EPHA3: variants seen among roughly 807,000 people sequenced by gnomAD.
EPHA3 encodes the protein ephrin type-A receptor 3.
A neutral mutation model predicts 107.1 loss-of-function variants in EPHA3; 42 were observed. The observed-to-expected ratio is 0.39, with a 90% confidence interval of 0.31 to 0.51. The LOEUF is 0.51. Among genes scored for constraint, EPHA3 ranks in the 20% least tolerant of loss-of-function variants. The probability of loss-of-function intolerance (pLI) is 0.78; values close to 1 mark genes in which losing one functional copy is unlikely to be tolerated. For missense variants in EPHA3, 1,183 were observed against 1,211.2 expected (o/e 0.98, Z 0.35); for synonymous variants, 461 against 424.8 (o/e 1.09, Z -1.05).
intron 1 of EPHA3, among the ~76,000 whole-genome samples, chr3:89,114,122 C>T (rs1256747638): frequency 1.3e-5 from 2 of 152,336 alleles, no homozygotes; most frequent in Non-Finnish European, 2.9e-5. Flanking sequence ...ACTGTACAAA[C>T]AAACTGTTGT....
chr3:89,328,981 A>G (rs866259077), intron 3 of EPHA3, among the ~76,000 whole-genome samples: 3 of 152,228 alleles, frequency 2.0e-5, no homozygotes, highest in Middle Eastern at 6.8e-3. Flanking sequence ...AAGATGTAAC[A>G]ATCTCAGGGA....
intron 2 of EPHA3, among the ~76,000 whole-genome samples, chr3:89,187,430 A>G (rs1705594432): frequency 6.7e-6 from 1 of 150,042 alleles, no homozygotes; most frequent in African/African-American, 2.4e-5. Context: ...ATAAAGCTAT[A>G]CATGTATTAT....
chr3:89,220,562 G>A (rs574604918), intron 3 of EPHA3, among the ~76,000 whole-genome samples: 2 of 152,286 alleles, frequency 1.3e-5, no homozygotes, highest in South Asian at 2.1e-4. Flanking sequence ...GAATGCGAAT[G>A]GAGTAATAAA....
chr3:89,154,319 G>C lies in EPHA3; in HGVS notation c.153+27046G>C, dbSNP rs9809731. Reference sequence around the variant, plus strand: ...TTCTCATTCTTTGGACGCATAAAAAGGTGAGCACTCAATAGATATCTGTTA... The same window carrying C: ...TTCTCATTCTTTGGACGCATAAAAACGTGAGCACTCAATAGATATCTGTTA... On this transcript the variant is annotated intron_variant, in intron 2 of 16. Transcript: ENST00000336596. Among the ~76,000 whole-genome samples the C allele has an allele frequency of 4.2e-3, 633 of 150,788 alleles. 6 individuals carry two copies. Among genetic ancestry groups the C allele is most frequent in the African/African-American group, 0.015 (613 of 41,210 alleles).
chr3:89,305,446 G>A (rs1194453016), intron 3 of EPHA3, among the ~76,000 whole-genome samples: 1 of 151,946 alleles, frequency 6.6e-6, no homozygotes, highest in African/African-American at 2.4e-5. Flanking sequence ...GCACTTTTTT[G>A]CATCCACCTG....
intron 2 of EPHA3, among the ~76,000 whole-genome samples, chr3:89,188,643 T>C (rs2107135321): frequency 1.3e-5 from 2 of 152,308 alleles, no homozygotes; most frequent in South Asian, 4.1e-4. Flanking sequence ...TCCAGACTCA[T>C]AACAGGTGCT....
At chr3:89,127,351 C>T in intron 2 of EPHA3, 78 bp downstream of exon 2, 1 of 1,103,750 alleles carries the variant, frequency 9.1e-7, no homozygotes, top group East Asian at 2.4e-5. Flanking sequence ...ATTGTATTCT[C>T]TAAAGAGAAC....
chr3:89,144,857 A>G (rs1229506544), intron 2 of EPHA3, among the ~76,000 whole-genome samples: 1 of 151,742 alleles, frequency 6.6e-6, no homozygotes, highest in Non-Finnish European at 1.5e-5. Flanking sequence ...AAAAAAGTCC[A>G]GAATAGGCAT....
chr3:89,139,900 T>A (rs2107013052), intron 2 of EPHA3, among the ~76,000 whole-genome samples: 1 of 151,898 alleles, frequency 6.6e-6, no homozygotes, highest in East Asian at 1.9e-4. Flanking sequence ...CAAGACTACT[T>A]CAACCGAGTG....
At chr3:89,168,121 G>T (rs1018310311) in intron 2 of EPHA3, among the ~76,000 whole-genome samples, 2 of 152,158 alleles carry the variant, frequency 1.3e-5, no homozygotes, top group African/African-American at 4.8e-5. Flanking sequence ...GCAAGTAAAA[G>T]TTTTAATAGC....
Position 89,425,582 on chromosome 3 carries a change from G to T in EPHA3, c.2075-3524G>T, listed in dbSNP as rs1709438662. On this transcript the variant is annotated intron_variant, in intron 11 of 16. Coordinates refer to ENST00000336596, the MANE Select transcript of EPHA3 (RefSeq NM_005233.6). ...TAGGGAGTTAATAGCATTTCCATTT[G>T]AAATTATTAAATGTAAATATTTAAT... is the stretch of plus-strand genomic sequence containing the variant. 2.0e-5 allele frequency among the ~76,000 whole-genome samples: 3 copies of T among 151,142 alleles called. No individual in the cohort carries two copies. In the South Asian group the frequency reaches 6.2e-4, roughly 31 times the overall value.
chr3:89,113,877 A>G (rs1707184892), intron 1 of EPHA3, among the ~76,000 whole-genome samples: 1 of 152,158 alleles, frequency 6.6e-6, no homozygotes, highest in Admixed American at 6.5e-5. Context: ...GAATGTCTGG[A>G]CGAATGCATG....
chr3:89,166,051 G>C (rs1215087176), intron 2 of EPHA3, among the ~76,000 whole-genome samples: 1 of 152,102 alleles, frequency 6.6e-6, no homozygotes, highest in Non-Finnish European at 1.5e-5. Context: ...TGAGTGGCAG[G>C]ATTAAAACCC....
intron 13 of EPHA3, among the ~76,000 whole-genome samples, chr3:89,434,852 T>C (rs549068036): frequency 1.3e-5 from 2 of 152,280 alleles, no homozygotes; most frequent in African/African-American, 4.8e-5. Flanking sequence ...TCACCACCAA[T>C]AAATAGCTGT....
Position 89,466,747 on chromosome 3 carries a change from A to C in EPHA3, c.2691-5717A>C, listed in dbSNP as rs984209042. ...CCACTGTCTGGCACTCCCTAGTGAGATGAACCCGGTACCTCAGATGGAAAT... is the reference window on the plus strand; with the variant it reads ...CCACTGTCTGGCACTCCCTAGTGAGCTGAACCCGGTACCTCAGATGGAAAT... On this transcript the variant is annotated intron_variant, in intron 15 of 16. Coordinates refer to ENST00000336596, the MANE Select transcript of EPHA3 (RefSeq NM_005233.6). 3.2e-4 allele frequency among the ~76,000 whole-genome samples: 44 copies of C among 136,340 alleles called. 8 individuals are homozygous for C. Among genetic ancestry groups the C allele is most frequent in the Non-Finnish European group, 5.5e-4 (34 of 61,770 alleles). The allele number at this position is 136,340 out of a possible 152,430, so 89.4% of individuals were successfully genotyped here.
At position 89,479,529 on chromosome 3, in the gene EPHA3, G is replaced by A. The variant is rs373647562; in HGVS notation, c.*27G>A. On this transcript the variant is annotated 3_prime_UTR_variant, in exon 17 of 17. Coordinates refer to ENST00000336596, the MANE Select transcript of EPHA3 (RefSeq NM_005233.6). The stretch of plus-strand genomic sequence containing the variant: ...GCACGGGACGGAAGTGCTTCTGGAC[G>A]GAAGTGGTGGCTGTGGAAGGCGTAG... The A allele has an allele frequency of 7.0e-6, 11 of 1,566,446 alleles. No homozygotes were observed. In the African/African-American group the frequency reaches 8.1e-5, roughly 12 times the overall value.
At chr3:89,357,001 G>A (rs190606037) in intron 5 of EPHA3, among the ~76,000 whole-genome samples, 3 of 145,314 alleles carry the variant, frequency 2.1e-5, no homozygotes, top group Non-Finnish European at 4.5e-5. Context: ...CCAGCTACTC[G>A]GAAGGCTGAG....
chr3:89,208,414 G>A (rs1576231227), intron 2 of EPHA3, among the ~76,000 whole-genome samples: 1 of 62,512 alleles, frequency 1.6e-5, no homozygotes, highest in Non-Finnish European at 2.9e-5. Context: ...AAGGAAGGAA[G>A]GAAGGAAGGA....
At position 89,359,305 on chromosome 3, in the gene EPHA3, A is replaced by G. The variant is rs188714804; in HGVS notation, c.1306+17215A>G. On this transcript the variant is annotated intron_variant, in intron 5 of 16. Coordinates refer to ENST00000336596, the MANE Select transcript of EPHA3 (RefSeq NM_005233.6). The stretch of plus-strand genomic sequence containing the variant: ...TTTACTAGTTTGCTAATATTTGTTA[A>G]GACATACATGTTTACAAACCTTGCC... Among the ~76,000 whole-genome samples, 26 of 151,154 alleles carry G rather than the reference A, an allele frequency of 1.7e-4. 1 individual carries two copies. The highest frequency in any genetic ancestry group is 9.3e-4 in the Admixed American group (14 of 15,070).
Sources: gnomAD v4.1 joint callset for allele counts (sites outside exome capture counted in the v4.1 genomes callset) on GRCh38, gnomAD v4.1.1 for gene constraint, MANE v1.5 for transcripts, NCBI Gene and HGNC (gene_info 2026-07-23, HGNC 2026-07-21) for gene names.